The following MCTP1 variants were observed in gnomAD, a reference collection of about 807,000 sequenced individuals.
The protein encoded by MCTP1 is multiple C2 and transmembrane domain-containing protein 1.
In MCTP1, 69 loss-of-function variants were observed where a neutral mutation model predicts 120.6. The observed-to-expected ratio is 0.57, with a 90% CI of 0.47 to 0.70. The LOEUF is 0.70. Among genes scored for constraint, MCTP1 ranks in the 30% least tolerant of loss-of-function variants. The pLI is 0.00. For synonymous variants in MCTP1, 529 were observed against 493.1 expected (o/e 1.07, Z -0.96); for missense variants, 1,203 against 1,248.8 (o/e 0.96, Z 0.55).
intron 19 of MCTP1, among the ~76,000 whole-genome samples, chr5:94,736,724 C>G (rs1764348200): frequency 6.6e-6 from 1 of 152,126 alleles, no homozygotes; most frequent in Non-Finnish European, 1.5e-5. Flanking sequence ...CCATGAAGAT[C>G]TCTGTGTGAA....
At chr5:95,264,624 A>C (rs1243812412) in intron 1 of MCTP1, among the ~76,000 whole-genome samples, 1 of 152,170 alleles carries the variant, frequency 6.6e-6, no homozygotes, top group Non-Finnish European at 1.5e-5. Flanking sequence ...CTCTCAGCCC[A>C]CAGTGTTTGG....
chr5:94,983,734 C>A (rs1037709181), intron 2 of MCTP1, among the ~76,000 whole-genome samples: 7 of 151,858 alleles, frequency 4.6e-5, no homozygotes, highest in Non-Finnish European at 1.0e-4. Context: ...TTCTTTTTTG[C>A]AAAACCATAC....
At chr5:95,021,976 T>A (rs1340024435) in intron 1 of MCTP1, among the ~76,000 whole-genome samples, 1 of 152,196 alleles carries the variant, frequency 6.6e-6, no homozygotes, top group Non-Finnish European at 1.5e-5. Context: ...ATTTTCAGCA[T>A]ATGTTAATAA....
intron 17 of MCTP1, among the ~76,000 whole-genome samples, chr5:94,820,845 A>G (rs1264032230): frequency 6.6e-6 from 1 of 152,222 alleles, no homozygotes; most frequent in Non-Finnish European, 1.5e-5. Flanking sequence ...AAACCATTTG[A>G]GAGTAACATA....
chr5:94,852,202 TTC>T (rs1350217625), intron 17 of MCTP1, among the ~76,000 whole-genome samples: 1 of 151,980 alleles, frequency 6.6e-6, no homozygotes, highest in African/African-American at 2.4e-5. Flanking sequence ...TCCCATATAG[TTC>T]TGAGTAAATT....
At chr5:94,943,169 A>G (rs1818137211) in intron 3 of MCTP1, among the ~76,000 whole-genome samples, 1 of 152,060 alleles carries the variant, frequency 6.6e-6, no homozygotes, top group African/African-American at 2.4e-5. Flanking sequence ...TATAAGTGCT[A>G]TGGAGCAAAT....
chr5:94,977,045 C>T (rs778829661), intron 2 of MCTP1, among the ~76,000 whole-genome samples: 8 of 152,034 alleles, frequency 5.3e-5, no homozygotes, highest in Non-Finnish European at 1.0e-4. Flanking sequence ...GCCCTGTTTG[C>T]AGATGATGTC....
chr5:95,102,355 A>G (rs1174064603), intron 1 of MCTP1, among the ~76,000 whole-genome samples: 1 of 152,202 alleles, frequency 6.6e-6, no homozygotes, highest in Non-Finnish European at 1.5e-5. Flanking sequence ...CCAGGCCAAC[A>G]GCAGAAGAAA....
chr5:94,752,914 C>T (rs938878594), intron 19 of MCTP1, among the ~76,000 whole-genome samples: 23 of 152,154 alleles, frequency 1.5e-4, no homozygotes, highest in African/African-American at 5.6e-4. Context: ...CTAATCTGGG[C>T]AGGAAAATTG....
intron 1 of MCTP1, among the ~76,000 whole-genome samples, chr5:95,035,355 G>A (rs1841094467): frequency 6.6e-6 from 1 of 152,060 alleles, no homozygotes; most frequent in South Asian, 2.1e-4. Context: ...TAAGGAAAAT[G>A]TGTACATATA....
chr5:95,047,289 C>G (rs17339745), intron 1 of MCTP1, among the ~76,000 whole-genome samples: 1 of 152,078 alleles, frequency 6.6e-6, no homozygotes, highest in African/African-American at 2.4e-5. Context: ...TAGTGTCTTA[C>G]GTCATCCTGG....
At chr5:94,792,881 T>C (rs1482597766) in intron 18 of MCTP1, 1 of 152,212 alleles carries the variant, frequency 6.6e-6, no homozygotes, top group Non-Finnish European at 1.5e-5. Context: ...GGGATAGAGT[T>C]ACCAGATGAA....
intron 19 of MCTP1, among the ~76,000 whole-genome samples, chr5:94,754,057 T>A (rs377343979): frequency 6.6e-6 from 1 of 152,218 alleles, no homozygotes; most frequent in East Asian, 1.9e-4. Flanking sequence ...AGAGTTAAAG[T>A]GTATTGGCTA....
intron 12 of MCTP1, among the ~76,000 whole-genome samples, chr5:94,876,855 A>T (rs1798981168): frequency 6.6e-6 from 1 of 152,054 alleles, no homozygotes; most frequent in Admixed American, 6.6e-5. Context: ...TCTAGAGAGA[A>T]ATAGGAATGC....
At chr5:94,841,210 G>A (rs1409848171) in intron 17 of MCTP1, among the ~76,000 whole-genome samples, 1 of 152,126 alleles carries the variant, frequency 6.6e-6, no homozygotes, top group Admixed American at 6.6e-5. Context: ...ATATCCCCAG[G>A]ACAGAAAGGT....
At chr5:94,842,299 C>A (rs1209340835) in intron 17 of MCTP1, among the ~76,000 whole-genome samples, 1 of 152,118 alleles carries the variant, frequency 6.6e-6, no homozygotes, top group Non-Finnish European at 1.5e-5. Flanking sequence ...AGTATTCCAG[C>A]AAAGAAAGCT....
At chr5:95,211,223 C>T (rs1252709258) in intron 1 of MCTP1, among the ~76,000 whole-genome samples, 4 of 152,064 alleles carry the variant, frequency 2.6e-5, no homozygotes, top group Admixed American at 1.3e-4. Flanking sequence ...TGTTGGCCTG[C>T]CTTGCTAGAT....
chr5:94,920,569 G>A (rs1044971762), intron 7 of MCTP1, among the ~76,000 whole-genome samples: 1 of 151,686 alleles, frequency 6.6e-6, no homozygotes, highest in African/African-American at 2.4e-5. Context: ...ATGAAACCCC[G>A]TCTCTACTAA....
At chr5:95,057,575 T>A (rs1747745488) in intron 1 of MCTP1, among the ~76,000 whole-genome samples, 1 of 152,210 alleles carries the variant, frequency 6.6e-6, no homozygotes, top group Non-Finnish European at 1.5e-5. Context: ...ACTTAAATAG[T>A]GACTAAGATT....
Sources: allele counts gnomAD v4.1 joint callset (sites outside exome capture counted in the v4.1 genomes callset), GRCh38; gene constraint gnomAD v4.1.1; transcripts MANE v1.5; gene names NCBI Gene and HGNC (gene_info 2026-07-23, HGNC 2026-07-21).